LEPR: variants seen among roughly 807,000 people sequenced by gnomAD.
LEPR encodes the protein leptin receptor.
LEPR carries 56 observed loss-of-function variants against 114.7 expected under a neutral mutation model. The ratio of observed to expected loss-of-function variants is 0.49; its 90% CI spans 0.39 to 0.61. The LOEUF is 0.61. Among genes scored for constraint, LEPR ranks in the 20% least tolerant of loss-of-function variants. The pLI is 0.00. For missense variants in LEPR, 1,202 were observed against 1,352.9 expected, an observed-to-expected ratio of 0.89 and a Z score of 1.75; for synonymous variants, 443 against 461.4, an observed-to-expected ratio of 0.96 and a Z score of 0.51.
intron 6 of LEPR, among the ~76,000 whole-genome samples, chr1:65,594,775 G>A (rs1301642742): frequency 6.6e-6 from 1 of 151,916 alleles, no homozygotes; most frequent in Non-Finnish European, 1.5e-5. Context: ...GGAAGAGAAA[G>A]ACTGAGGGGT....
Position 65,633,270 on chromosome 1 carries a change from T to TA in LEPR, c.2674-2913dup, listed in dbSNP as rs1428132867. The TA allele has an allele frequency of 3.4e-5, 52 of 1,546,604 alleles. No individual in the cohort carries two copies. Among genetic ancestry groups the TA allele is most frequent in the Non-Finnish European group, 3.8e-5 (44 of 1,151,536 alleles). ...ACATTTTGAAGAAGGGGAGCAAATCTAAAAAAAATTCAGTTGAACTTCTGA... is the reference window on the plus strand; with the variant it reads ...ACATTTTGAAGAAGGGGAGCAAATCTAAAAAAAAATTCAGTTGAACTTCTGA... On this transcript the variant is annotated intron_variant, in intron 19 of 19. Transcript: ENST00000349533. This position sits in a 1 kb window ranked among gnomAD's most constrained non-coding sequence, Gnocchi z 4.1.
chr1:65,514,664 G>A (rs1035786799), intron 2 of LEPR, among the ~76,000 whole-genome samples: 4 of 152,118 alleles, frequency 2.6e-5, no homozygotes. Flanking sequence ...TATGTTCTGT[G>A]GTAATTTAGA....
intron 5 of LEPR, among the ~76,000 whole-genome samples, chr1:65,584,994 T>G (rs1454387511): frequency 1.3e-5 from 2 of 152,062 alleles, no homozygotes; most frequent in Non-Finnish European, 2.9e-5. Flanking sequence ...TAGGTCTGGG[T>G]GGAACTAGAT....
chr1:65,545,877 T>C (rs1036512475), intron 2 of LEPR, among the ~76,000 whole-genome samples: 9 of 151,966 alleles, frequency 5.9e-5, no homozygotes, highest in African/African-American at 2.2e-4. Flanking sequence ...CATGAAGTCC[T>C]TGCCCATGCC....
chr1:65,520,474 C>G (rs563664890), intron 2 of LEPR, among the ~76,000 whole-genome samples: 1 of 152,274 alleles, frequency 6.6e-6, no homozygotes, highest in South Asian at 2.1e-4. Context: ...AGTGATATTT[C>G]CATTTACAAA....
At position 65,583,499 on chromosome 1, in the gene LEPR, G is replaced by A. The variant is rs1300268459; in HGVS notation, c.495-9158G>A. On this transcript the variant is annotated intron_variant, in intron 5 of 19. Transcript: ENST00000349533. ...GTGACATTTCATAGGAACTCCAGAA[G>A]AGCTATACTTTAAAGGTGGGGCCAA... Among the ~76,000 whole-genome samples the A allele has an allele frequency of 2.0e-5, 3 of 151,868 alleles. No homozygotes were observed. The East Asian group carries it at 5.8e-4, about 29-fold the overall frequency.
chr1:65,596,418 C>T, intron 6 of LEPR, 30 bp from the exon 7 acceptor site: 1 of 1,610,760 alleles, frequency 6.2e-7, no homozygotes, highest in Non-Finnish European at 8.5e-7. Context: ...AATTACTTGA[C>T]TTAAAAGTAT....
At chr1:65,489,235 A>G (rs1392733466) in intron 2 of LEPR, among the ~76,000 whole-genome samples, 2 of 152,202 alleles carry the variant, frequency 1.3e-5, no homozygotes, top group Non-Finnish European at 2.9e-5. Context: ...TCCCATCAAC[A>G]GTGTATAGGG....
chr1:65,460,777 G>A (rs975254711), intron 2 of LEPR, among the ~76,000 whole-genome samples: 1 of 151,890 alleles, frequency 6.6e-6, no homozygotes, highest in Non-Finnish European at 1.5e-5. Flanking sequence ...GGGAGACTGA[G>A]GTTGCAGTGA....
At chr1:65,570,028 A>G (rs941262290) in intron 3 of LEPR, among the ~76,000 whole-genome samples, 9 of 152,216 alleles carry the variant, frequency 5.9e-5, no homozygotes, top group Non-Finnish European at 1.0e-4. Context: ...ACTCTCTTAA[A>G]TACATATTAA....
intron 2 of LEPR, among the ~76,000 whole-genome samples, chr1:65,537,307 A>T (rs1650845459): frequency 6.6e-6 from 1 of 152,042 alleles, no homozygotes; most frequent in Non-Finnish European, 1.5e-5. Flanking sequence ...GTACATGGTT[A>T]AAAAAAACTT....
chr1:65,477,821 C>G (rs1480914123), intron 2 of LEPR, among the ~76,000 whole-genome samples: 1 of 152,200 alleles, frequency 6.6e-6, no homozygotes, highest in Non-Finnish European at 1.5e-5. Flanking sequence ...TTCTCTCACC[C>G]AGATTGCCTA....
chr1:65,537,994 G>T (rs1381982159), intron 2 of LEPR, among the ~76,000 whole-genome samples: 3 of 152,042 alleles, frequency 2.0e-5, no homozygotes, highest in Non-Finnish European at 4.4e-5. Context: ...TCTAGCATTT[G>T]CTAAAAATTT....
intron 2 of LEPR, among the ~76,000 whole-genome samples, chr1:65,437,827 G>A (rs1646585708): frequency 6.6e-6 from 1 of 151,830 alleles, no homozygotes; most frequent in Admixed American, 6.6e-5. Flanking sequence ...AGAGCCATGT[G>A]GATTTTAGGG....
chr1:65,592,623 T>A, intron 5 of LEPR, 34 bp from the exon 6 acceptor site: 1 of 1,607,286 alleles, frequency 6.2e-7, no homozygotes. Context: ...TTTTCATATC[T>A]GTTTTAATAT....
At chr1:65,597,665 C>T (rs1411294210) in intron 7 of LEPR, among the ~76,000 whole-genome samples, 4 of 152,060 alleles carry the variant, frequency 2.6e-5, no homozygotes, top group Admixed American at 6.6e-5. Context: ...GAATGTGGAG[C>T]TCAATGAAAG....
At chr1:65,629,227 CCTG>C (rs1658389149) in intron 19 of LEPR, 3 of 280,664 alleles carry the variant, frequency 1.1e-5, no homozygotes, top group Non-Finnish European at 2.1e-5. Context: ...TTGGAGCTCC[CCTG>C]CTATTTTTTT....
chr1:65,457,537 T>C (rs192784755), intron 2 of LEPR, among the ~76,000 whole-genome samples: 3 of 152,322 alleles, frequency 2.0e-5, no homozygotes, highest in Admixed American at 2.0e-4. Context: ...AAATTGTTTA[T>C]ATAGATGTAT....
At chr1:65,504,678 C>T (rs1175374188) in intron 2 of LEPR, among the ~76,000 whole-genome samples, 2 of 152,172 alleles carry the variant, frequency 1.3e-5, no homozygotes, top group Non-Finnish European at 2.9e-5. Flanking sequence ...AGTAATGCAG[C>T]ACCCTGGTTG....
Sources: allele counts gnomAD v4.1 joint callset (sites outside exome capture counted in the v4.1 genomes callset), GRCh38; gene constraint gnomAD v4.1.1; non-coding constraint Gnocchi (gnomAD v3.1); transcripts MANE v1.5; gene names NCBI Gene and HGNC (gene_info 2026-07-23, HGNC 2026-07-21).